Variants in SLC27A1 observed in about 807,000 individuals in gnomAD.
SLC27A1 encodes solute carrier family 27 member 1.
A neutral mutation model predicts 62.2 loss-of-function variants in SLC27A1; 61 were observed. That is an observed-to-expected ratio of 0.98 (90% CI 0.80 to 1.21). The LOEUF is 1.21. SLC27A1 is among the 50% of genes most tolerant of loss of function. SLC27A1 has a pLI of 0.00. For missense variants in SLC27A1, 903 were observed against 932.1 expected (o/e 0.97, Z 0.41); for synonymous variants, 435 against 408.6 (o/e 1.06, Z -0.78).
chr19:17,489,309 T>C (rs1223731474), intron 6 of SLC27A1, among the ~76,000 whole-genome samples, 192 bp downstream of exon 6: 1 of 152,080 alleles, frequency 6.6e-6, no homozygotes, highest in Non-Finnish European at 1.5e-5. Context: ...AACTCCCTTA[T>C]GTGCGCCCTC....
At position 17,500,403 on chromosome 19, in the gene SLC27A1, C is replaced by G. The variant is rs561973194; in HGVS notation, c.1332C>G (p.Ala444=). The G allele has an allele frequency of 1.2e-6, 2 of 1,613,710 alleles. No homozygotes were observed. Among genetic ancestry groups the G allele is most frequent in the African/African-American group, 1.3e-5 (1 of 75,064 alleles). The change falls in exon 8 of 12, where the codon GCC becomes GCG. Residue 444 remains alanine, a splice_region_variant and synonymous_variant. Transcript: ENST00000252595. ...AGGGCCTCTGCATCCCCTGCCAGGC[C>G]GGTGAGCAGGGCCCCCGCATGGTCC... ...DAQGLCIPCQ[A]GEPGLLVGQI...
In SLC27A1 at chr19:17,500,817, G is replaced by C. The variant is rs770149892; in HGVS notation, c.1577G>C (p.Gly526Ala). The C allele has an allele frequency of 4.0e-5, 64 of 1,611,012 alleles. No homozygotes were observed. The highest frequency in any genetic ancestry group is 5.3e-5 in the Non-Finnish European group (62 of 1,179,206). Residue 526 changes from glycine (G) to alanine (A), a missense_variant, in exon 10 of 12, where the codon GGC (glycine) becomes GCC (alanine). Coordinates refer to ENST00000252595, the MANE Select transcript of SLC27A1 (RefSeq NM_198580.3). Reference protein sequence around the residue: ...GENVSTTEVEGVLSRLLGQTD... With the variant: ...GENVSTTEVEAVLSRLLGQTD... ...AACGTCTCCACCACCGAGGTGGAGG[G>C]CGTGCTGAGCCGCCTGCTGGGCCAG...
intron 6 of SLC27A1, chr19:17,496,788 A>G: frequency 6.4e-6 from 1 of 156,278 alleles, no homozygotes; most frequent in South Asian, 1.7e-4. Flanking sequence ...CAAGTGGCTC[A>G]CACCTGGAAT....
intron 10 of SLC27A1, 137 bp downstream of exon 10, chr19:17,501,013 G>C: frequency 8.8e-7 from 1 of 1,135,764 alleles, no homozygotes; most frequent in Non-Finnish European, 1.2e-6. Flanking sequence ...GGAAGCACTG[G>C]ATCTGGAGCC....
rs746912995 is a variant in SLC27A1 at position 17,497,459 on chromosome 19, G to C, written c.1201G>C (p.Gly401Arg). Residue 401 changes from glycine (G) to arginine (R), a missense_variant, in exon 7 of 12, where the codon GGC (glycine) becomes CGC (arginine). Transcript: ENST00000252595. Reference sequence around the variant, plus strand: ...CAACTGCAGCATTGCCAACATGGACGGCAAGGTGCACACCGGCAGGGCCCC... The same window carrying C: ...CAACTGCAGCATTGCCAACATGGACCGCAAGGTGCACACCGGCAGGGCCCC... Reference protein sequence around the residue: ...ECNCSIANMDGKVGSCGFNSR... With the variant: ...ECNCSIANMDRKVGSCGFNSR... 1.9e-6 allele frequency: 3 copies of C among 1,607,074 alleles called. No homozygotes were observed. The highest frequency in any genetic ancestry group is 1.7e-6 in the Non-Finnish European group (2 of 1,177,678).
intron 1 of SLC27A1, among the ~76,000 whole-genome samples, chr19:17,476,453 G>A (rs182288469): frequency 6.9e-4 from 104 of 150,780 alleles, no homozygotes; most frequent in African/African-American, 1.8e-3. Flanking sequence ...CAGGAGAATC[G>A]TTTGAACCCG....
intron 6 of SLC27A1, 125 bp downstream of exon 6, chr19:17,489,242 G>C (rs1599657186): frequency 2.7e-6 from 2 of 751,014 alleles, no homozygotes; most frequent in Non-Finnish European, 2.2e-6. Context: ...CCTCCTCCTG[G>C]TCAGGTCCCG....
rs1237120997 is a variant in SLC27A1, at chr19:17,500,652, C to T, written c.1471+20C>T. The T allele has an allele frequency of 6.2e-7, 1 of 1,613,840 alleles. No homozygotes were observed. Among genetic ancestry groups the T allele is most frequent in the African/African-American group, 1.3e-5 (1 of 74,960 alleles). ...TCTCAGGTGCGCAGCCTGCTAGGCC[C>T]CGGTGACTGGCTGTGCGGATGGGGA... On this transcript the variant is annotated intron_variant, in intron 9 of 11. Transcript: ENST00000252595.
rs746005440 is a variant in SLC27A1 at position 17,504,452 on chromosome 19, T to C, written c.1784-3T>C. 23 of 1,613,940 alleles carry C rather than the reference T, an allele frequency of 1.4e-5. No homozygotes were observed. The highest frequency in any genetic ancestry group is 2.2e-5 in the East Asian group (1 of 44,884). ...CCTTATCTGCCCCCCATCCCCACTA[T>C]AGGCACCTTCAAGATCCAGAAGACG... On this transcript the variant is annotated splice_region_variant and splice_polypyrimidine_tract_variant and intron_variant, in intron 11 of 11. Transcript: ENST00000252595.
chr19:17,493,427 C>A (rs1422496700), intron 6 of SLC27A1, among the ~76,000 whole-genome samples: 493 of 71,846 alleles, frequency 6.9e-3, no homozygotes, highest in East Asian at 0.033. Context: ...AACTCCATCT[C>A]AAAAAAAAAA....
At chr19:17,482,017 G>A (rs1396852928) in intron 1 of SLC27A1, among the ~76,000 whole-genome samples, 1 of 152,148 alleles carries the variant, frequency 6.6e-6, no homozygotes, top group Non-Finnish European at 1.5e-5. Flanking sequence ...ATTGGAACCT[G>A]ATCTGAGAGT....
upstream of SLC27A1, chr19:17,470,516 C>A (rs548013176): frequency 1.3e-6 from 2 of 1,520,106 alleles, no homozygotes; most frequent in African/African-American, 2.9e-5. Flanking sequence ...CGGCCCGCGG[C>A]CTCAGCTCTC....
Position 17,489,121 on chromosome 19 carries a change from A to C in SLC27A1, c.996+4A>C, listed in dbSNP as rs1206423995. On this transcript the variant is annotated splice_donor_region_variant and intron_variant, in intron 6 of 11. Coordinates refer to ENST00000252595, the MANE Select transcript of SLC27A1 (RefSeq NM_198580.3). ...CTGCATCAAGTACAACTGCACGGTC[A>C]GGCCCTGCCCTGTTCTGTCTAGACC... 1 of 1,613,456 alleles carries C rather than the reference A, an allele frequency of 6.2e-7. No individual in the cohort carries two copies. The highest frequency in any genetic ancestry group is 8.5e-7 in the Non-Finnish European group (1 of 1,179,668).
At chr19:17,487,786 G>A (rs183011971) in intron 4 of SLC27A1, among the ~76,000 whole-genome samples, 15 of 152,188 alleles carry the variant, frequency 9.9e-5, no homozygotes, top group African/African-American at 3.4e-4. Flanking sequence ...CTTGGGACCC[G>A]GTTGCCCTGT....
upstream of SLC27A1, chr19:17,470,438 G>A: frequency 2.3e-6 from 3 of 1,317,328 alleles, no homozygotes; most frequent in East Asian, 3.1e-5. Context: ...GCCGAGGCCT[G>A]GGGGCGCGGC....
At chr19:17,476,724 T>C (rs1269687033) in intron 1 of SLC27A1, among the ~76,000 whole-genome samples, 2 of 151,990 alleles carry the variant, frequency 1.3e-5, no homozygotes, top group Non-Finnish European at 2.9e-5. Flanking sequence ...CTCAAATTGC[T>C]CTGTGACCTT....
intron 1 of SLC27A1, among the ~76,000 whole-genome samples, chr19:17,475,474 G>A (rs1190509783): frequency 1.3e-5 from 2 of 152,170 alleles, no homozygotes; most frequent in African/African-American, 2.4e-5. Flanking sequence ...GGTCAAGGCT[G>A]CAGTGAGCCA....
At chr19:17,488,777 C>T (rs1202265865) in intron 4 of SLC27A1, 71 bp from the exon 5 acceptor site, 5 of 1,384,310 alleles carry the variant, frequency 3.6e-6, no homozygotes. Flanking sequence ...ATGCAGCATG[C>T]TTCCCCATGC....
chr19:17,500,668 C>T (rs1426851897), intron 9 of SLC27A1, 36 bp downstream of exon 9: 15 of 1,613,896 alleles, frequency 9.3e-6, no homozygotes, highest in South Asian at 2.2e-5. Context: ...ACTGGCTGTG[C>T]GGATGGGGAT....
Sources: gnomAD v4.1 joint callset for allele counts (sites outside exome capture counted in the v4.1 genomes callset) on GRCh38, gnomAD v4.1.1 for gene constraint, MANE v1.5 for transcripts, NCBI Gene and HGNC (gene_info 2026-07-23, HGNC 2026-07-21) for gene names.